Variants in RASA3 observed in about 807,000 individuals in gnomAD.
RASA3 encodes ras GTPase-activating protein 3.
RASA3 carries 73 observed loss-of-function variants against 110.0 expected under a neutral mutation model. That is an observed-to-expected ratio of 0.66 (90% CI 0.55 to 0.81). The LOEUF is 0.81. Ranked by LOEUF, RASA3 falls within the 30% of genes least tolerant of loss-of-function variation. The pLI, the probability that RASA3 is intolerant of heterozygous loss-of-function variation, is 0.00. For synonymous variants in RASA3, 500 were observed against 451.4 expected (o/e 1.11, Z -1.37); for missense variants, 976 against 1,113.2 (o/e 0.88, Z 1.75).
chr13:114,091,522 G>A lies in RASA3; in HGVS notation c.56-17685C>T, dbSNP rs142192752. On this transcript the variant is annotated intron_variant, in intron 1 of 23. Coordinates refer to ENST00000334062, the MANE Select transcript of RASA3 (RefSeq NM_007368.4). The stretch of plus-strand genomic sequence containing the variant: ...CATGTGACCGATCACATTTATTGAT[G>A]AGCAGGTATTAAACCATCCCTGCAT... Among the ~76,000 whole-genome samples the A allele has an allele frequency of 8.6e-5, 13 of 150,624 alleles. No individual in the cohort carries two copies. The East Asian group carries it at 9.8e-4, about 11-fold the overall frequency.
At chr13:114,013,594 CCGTCTCT>C (rs2053697828) in intron 14 of RASA3, among the ~76,000 whole-genome samples, 1 of 94,384 alleles carries the variant, frequency 1.1e-5, no homozygotes, top group Non-Finnish European at 2.0e-5. Context: ...CTCTCTCTCT[CCGTCTCT>C]GGCTCTCTCC....
intron 23 of RASA3, among the ~76,000 whole-genome samples, chr13:113,980,439 C>T (rs563408042): frequency 1.0e-5 from 1 of 100,432 alleles, no homozygotes; most frequent in East Asian, 3.0e-4. Context: ...GTGTGTGCAC[C>T]TCCTGCCATG....
chr13:114,002,733 G>A (rs1240020046), intron 18 of RASA3, among the ~76,000 whole-genome samples: 2 of 152,212 alleles, frequency 1.3e-5, no homozygotes, highest in Admixed American at 1.3e-4. Context: ...AGAAGCCAGT[G>A]GCTCCTCACT....
rs1267529166 is a variant in RASA3 at position 113,995,769 on chromosome 13, G to A, written c.2141+762C>T. Among the ~76,000 whole-genome samples, 83 of 49,898 alleles carry A rather than the reference G, an allele frequency of 1.7e-3. 3 individuals are homozygous for A. The highest frequency in any genetic ancestry group is 2.7e-3 in the Admixed American group (17 of 6,366). 32.7% of individuals were successfully genotyped at this position (49,898 alleles called of 152,430 possible). ...GGGCCCGGCTGACGGGGGCCCGGCT[G>A]ACGGGGGGCCCGGCTGACGGGGGGT... On this transcript the variant is annotated intron_variant, in intron 21 of 23. Transcript: ENST00000334062.
At chr13:114,052,966 G>GGCCC (rs1566531274) in intron 2 of RASA3, among the ~76,000 whole-genome samples, 12 of 40,984 alleles carry the variant, frequency 2.9e-4, no homozygotes, top group African/African-American at 1.4e-3. Flanking sequence ...GGGAGAAATC[G>GGCCC]CCACTGCTGA....
At chr13:114,089,617 C>G (rs1246243866) in intron 1 of RASA3, among the ~76,000 whole-genome samples, 1 of 152,180 alleles carries the variant, frequency 6.6e-6, no homozygotes, top group Non-Finnish European at 1.5e-5. Flanking sequence ...CAGCCCTGCA[C>G]AGACATCAGC....
At chr13:114,105,042 C>A (rs2080115739) in intron 1 of RASA3, among the ~76,000 whole-genome samples, 1 of 152,086 alleles carries the variant, frequency 6.6e-6, no homozygotes, top group South Asian at 2.1e-4. Context: ...ACCCTTTGGC[C>A]AATTGGCGCA....
At chr13:114,129,079 C>T (rs2080486351) in intron 1 of RASA3, among the ~76,000 whole-genome samples, 1 of 152,248 alleles carries the variant, frequency 6.6e-6, no homozygotes. Context: ...CACTGCACGC[C>T]TTGGGGGCGG....
At chr13:114,089,140 G>A (rs1372352832) in intron 1 of RASA3, among the ~76,000 whole-genome samples, 2 of 151,554 alleles carry the variant, frequency 1.3e-5, no homozygotes, top group Non-Finnish European at 2.9e-5. Context: ...CCTTCCTGCT[G>A]CACTTTCTGC....
At chr13:114,040,783 T>G (rs1478493458) in intron 4 of RASA3, among the ~76,000 whole-genome samples, 11 of 142,576 alleles carry the variant, frequency 7.7e-5, no homozygotes, top group East Asian at 4.3e-4. Context: ...CTGCGCTCAC[T>G]CCGAGCACAA....
intron 1 of RASA3, among the ~76,000 whole-genome samples, chr13:114,108,293 A>C: frequency 2.4e-5 from 1 of 41,692 alleles, no homozygotes; most frequent in Non-Finnish European, 5.2e-5. Context: ...CCCGTCCGTC[A>C]CCCCATGTCT....
At position 113,981,543 on chromosome 13, in the gene RASA3, G is replaced by C. The variant is rs568835549; in HGVS notation, c.2429+132C>G. On this transcript the variant is annotated intron_variant, in intron 23 of 23. Coordinates refer to ENST00000334062, the MANE Select transcript of RASA3 (RefSeq NM_007368.4). ...ACCGCCAGGTGCCAGCCCGGTGCAA[G>C]TGGGACTCTCCTCCCAGGCGGACAC... 4,016 of 1,006,402 alleles carry C rather than the reference G, an allele frequency of 4.0e-3. 32 individuals are homozygous for C. The highest frequency in any genetic ancestry group is 0.015 in the South Asian group (1,038 of 67,194). 62.3% of individuals were successfully genotyped at this position (1,006,402 alleles called of 1,614,324 possible).
chr13:114,108,396 T>G, intron 1 of RASA3, among the ~76,000 whole-genome samples: 1 of 73,962 alleles, frequency 1.4e-5, no homozygotes, highest in Admixed American at 1.5e-4. Flanking sequence ...TCACCCCATG[T>G]CCGTCACCCC....
intron 4 of RASA3, among the ~76,000 whole-genome samples, chr13:114,038,769 G>A (rs905146444): frequency 1.3e-5 from 2 of 152,190 alleles, no homozygotes; most frequent in African/African-American, 2.4e-5. Flanking sequence ...GTTCCAGGAG[G>A]ATGAGGGTTG....
At chr13:114,054,079 T>C (rs962441204) in intron 2 of RASA3, among the ~76,000 whole-genome samples, 1 of 151,806 alleles carries the variant, frequency 6.6e-6, no homozygotes, top group East Asian at 1.9e-4. Context: ...TGAGCCAAGA[T>C]TGCACCACTG....
chr13:113,998,586 A>G (rs74629485), intron 20 of RASA3, among the ~76,000 whole-genome samples: 5,582 of 152,272 alleles, frequency 0.037, 133 homozygotes, highest in Non-Finnish European at 0.061. Flanking sequence ...CTGAAGGGGC[A>G]CTGAGTCACC....
intron 22 of RASA3, among the ~76,000 whole-genome samples, chr13:113,990,669 G>A (rs995017187): frequency 2.0e-5 from 3 of 152,220 alleles, no homozygotes; most frequent in Non-Finnish European, 1.5e-5. Context: ...GGGAGAAGAC[G>A]CTGTGGTGGG....
In RASA3 at chr13:114,115,420, C is replaced by T. The variant is rs902691959; in HGVS notation, c.55+17015G>A. Among the ~76,000 whole-genome samples the T allele has an allele frequency of 4.6e-5, 7 of 152,198 alleles. No individual in the cohort carries two copies. Among genetic ancestry groups the T allele is most frequent in the Admixed American group, 2.0e-4 (3 of 15,280 alleles). ...ATAAGGCTTGGGTTAGTGTCGGGCA[C>T]GCGGGGGAGGTGCCTGCCTGCGTGA... is the stretch of plus-strand genomic sequence containing the variant. On this transcript the variant is annotated intron_variant, in intron 1 of 23. Transcript: ENST00000334062. The surrounding 1 kb of genome is among the most constrained non-coding windows in gnomAD (Gnocchi z 5.0).
At chr13:114,074,360 G>C (rs533213857) in intron 1 of RASA3, among the ~76,000 whole-genome samples, 1 of 152,240 alleles carries the variant, frequency 6.6e-6, no homozygotes, top group East Asian at 1.9e-4. Context: ...GCCTCACGTC[G>C]GCGGGATCCA....
Sources: allele counts gnomAD v4.1 joint callset (sites outside exome capture counted in the v4.1 genomes callset), GRCh38; gene constraint gnomAD v4.1.1; non-coding constraint Gnocchi (gnomAD v3.1); transcripts MANE v1.5; gene names NCBI Gene and HGNC (gene_info 2026-07-23, HGNC 2026-07-21).